Variants in GPHN observed in about 807,000 individuals in gnomAD.
GPHN encodes gephyrin.
In GPHN, 17 loss-of-function variants were observed where a neutral mutation model predicts 95.5. The observed-to-expected ratio is 0.18, with a 90% CI of 0.12 to 0.27. GPHN has a LOEUF of 0.27. Ranked by LOEUF, GPHN falls within the 10% of genes least tolerant of loss-of-function variation. The probability of loss-of-function intolerance (pLI) is 1.00; values close to 1 mark genes in which losing one functional copy is unlikely to be tolerated. For synonymous variants in GPHN, 320 were observed against 322.5 expected, an observed-to-expected ratio of 0.99 and a Z score of 0.08; for missense variants, 660 against 978.1, an observed-to-expected ratio of 0.67 and a Z score of 4.34.
At chr14:66,960,541 C>T (rs900444349) in intron 8 of GPHN, among the ~76,000 whole-genome samples, 2 of 151,904 alleles carry the variant, frequency 1.3e-5, no homozygotes. Context: ...GCTTAGTGGT[C>T]AGCTAGTGAT....
chr14:66,690,264 T>C (rs1005244741), intron 2 of GPHN, among the ~76,000 whole-genome samples: 1 of 152,142 alleles, frequency 6.6e-6, no homozygotes, highest in Non-Finnish European at 1.5e-5. Context: ...AAATTTGAAA[T>C]TTTTTTCTTA....
At chr14:67,190,016 T>C in the GPHN span, among the ~76,000 whole-genome samples, 2 of 148,102 alleles carry the variant, frequency 1.4e-5, no homozygotes, top group Non-Finnish European at 3.0e-5. Context: ...AATTTTGTAT[T>C]TTTTTTTTAA....
chr14:67,552,524 T>C, the GPHN span, among the ~76,000 whole-genome samples: 1 of 152,172 alleles, frequency 6.6e-6, no homozygotes. Context: ...TTCCAGCCCT[T>C]TGGGAGGCCG....
the GPHN span, among the ~76,000 whole-genome samples, chr14:67,266,542 T>A: frequency 6.6e-6 from 1 of 151,978 alleles, no homozygotes; most frequent in Non-Finnish European, 1.5e-5. Context: ...GCCAGGCTGG[T>A]CTCAAACTGC....
chr14:67,669,156 G>A, the GPHN span, among the ~76,000 whole-genome samples: 1 of 152,136 alleles, frequency 6.6e-6, no homozygotes, highest in Non-Finnish European at 1.5e-5. Context: ...AAAGTAACCT[G>A]TCCAAGGTCA....
the GPHN span, among the ~76,000 whole-genome samples, chr14:67,202,828 T>G: frequency 1.3e-3 from 195 of 152,322 alleles, 4 homozygotes; most frequent in East Asian, 0.035. Context: ...ATCCTGGACT[T>G]GTACTTGGTA....
chr14:66,996,221 A>G, intron 9 of GPHN: 2 of 1,522,600 alleles, frequency 1.3e-6, no homozygotes, highest in South Asian at 2.4e-5. Context: ...TATCTGAGGT[A>G]TATTTTGCAC....
At chr14:67,543,490 C>T in the GPHN span, among the ~76,000 whole-genome samples, 4 of 152,340 alleles carry the variant, frequency 2.6e-5, no homozygotes, top group Admixed American at 1.3e-4. Context: ...TGGTCAGAAC[C>T]GTTTGGCCAG....
At chr14:67,521,879 T>C in the GPHN span, among the ~76,000 whole-genome samples, 1 of 152,326 alleles carries the variant, frequency 6.6e-6, no homozygotes, top group East Asian at 1.9e-4. Flanking sequence ...GAGTTGACTA[T>C]GAAAGTTGGG....
At chr14:67,317,306 A>T in the GPHN span, 24 of 1,095,358 alleles carry the variant, frequency 2.2e-5, no homozygotes, top group Non-Finnish European at 3.1e-5. Flanking sequence ...CTGCAAAAAA[A>T]TTTAAAGAAT....
At chr14:67,341,113 G>A in the GPHN span, among the ~76,000 whole-genome samples, 1 of 152,222 alleles carries the variant, frequency 6.6e-6, no homozygotes, top group Non-Finnish European at 1.5e-5. Flanking sequence ...GGGAAGTGAG[G>A]AGCCTCTCTG....
chr14:66,793,048 G>A (rs976337638), intron 3 of GPHN, among the ~76,000 whole-genome samples: 1 of 152,280 alleles, frequency 6.6e-6, no homozygotes, highest in Non-Finnish European at 1.5e-5. Flanking sequence ...CGGGCCAGGT[G>A]TTCCTTGCCC....
chr14:67,213,248 T>C, the GPHN span, among the ~76,000 whole-genome samples: 1 of 150,680 alleles, frequency 6.6e-6, no homozygotes, highest in South Asian at 2.1e-4. Flanking sequence ...TGTGCCATGC[T>C]GGTGTGCTGC....
the GPHN span, chr14:67,648,290 T>A: frequency 7.6e-7 from 1 of 1,320,820 alleles, no homozygotes; most frequent in Non-Finnish European, 1.0e-6. Context: ...GCAGAGTTTG[T>A]TTTTGCTTAA....
chr14:66,971,245 T>C (rs1474048126), intron 9 of GPHN, among the ~76,000 whole-genome samples: 1 of 152,182 alleles, frequency 6.6e-6, no homozygotes, highest in Non-Finnish European at 1.5e-5. Context: ...GGAGATTCGC[T>C]TGAACACGGG....
intron 2 of GPHN, among the ~76,000 whole-genome samples, chr14:66,746,472 G>A (rs2058154408): frequency 6.6e-6 from 1 of 152,146 alleles, no homozygotes. Flanking sequence ...TGTCATGAAT[G>A]TGTACCCTCT....
At chr14:67,386,696 A>G in the GPHN span, among the ~76,000 whole-genome samples, 615 of 152,244 alleles carry the variant, frequency 4.0e-3, 18 homozygotes, top group East Asian at 0.059. Flanking sequence ...CTAAATGCCC[A>G]TTTTTCATAG....
intron 1 of GPHN, among the ~76,000 whole-genome samples, chr14:66,539,212 G>T (rs186538933): frequency 1.3e-5 from 2 of 151,346 alleles, no homozygotes; most frequent in African/African-American, 4.8e-5. Flanking sequence ...TGTTTTTTGC[G>T]GTTTGTCCCC....
At chr14:67,622,901 AGCTTCTCTTACTCAT>A in the GPHN span, among the ~76,000 whole-genome samples, 1 of 152,196 alleles carries the variant, frequency 6.6e-6, no homozygotes, top group Non-Finnish European at 1.5e-5. Flanking sequence ...CATTTGTAGC[AGCTTCTCTTACTCAT>A]GCTTTGTAGA....
Sources: allele counts gnomAD v4.1 joint callset (sites outside exome capture counted in the v4.1 genomes callset), GRCh38; gene constraint gnomAD v4.1.1; transcripts MANE v1.5; gene names NCBI Gene and HGNC (gene_info 2026-07-23, HGNC 2026-07-21).